FIBIN: variants seen among roughly 807,000 people sequenced by gnomAD.
FIBIN encodes the protein fin bud initiation factor homolog.
FIBIN carries 8 observed loss-of-function variants against 13.0 expected under a neutral mutation model. The observed-to-expected ratio is 0.62, with a 90% CI of 0.36 to 1.11. FIBIN has a LOEUF of 1.11. Ranked by LOEUF, FIBIN falls within the 50% of genes most tolerant of loss-of-function variation. The pLI is 0.02. For missense variants in FIBIN, 261 were observed against 260.2 expected (o/e 1.00, Z -0.02); for synonymous variants, 127 against 114.7 (o/e 1.11, Z -0.69).
rs955453208 is a variant in FIBIN at position 26,995,836 on chromosome 11, C to A, written c.*674C>A. 5 of 167,024 alleles carry A rather than the reference C, an allele frequency of 3.0e-5. No individual in the cohort carries two copies. The highest frequency in any genetic ancestry group is 4.4e-5 in the Non-Finnish European group (3 of 68,140). The allele number at this position is 167,024 out of a possible 1,614,324, so 10.3% of individuals were successfully genotyped here. A position where few individuals can be genotyped will look rare whatever the true frequency, so the allele number is the denominator to read the frequency against. On this transcript the variant is annotated 3_prime_UTR_variant, in exon 1 of 1. Transcript: ENST00000318627. ...AGTGGCCACATTTAAGAAGGCCAAGCTTTGTAGTGGTTGCACAGTCACACT... is the reference window on the plus strand; with the variant it reads ...AGTGGCCACATTTAAGAAGGCCAAGATTTGTAGTGGTTGCACAGTCACACT...
In FIBIN at chr11:26,994,451, T is replaced by C; in HGVS notation, c.-76T>C. ...GACGCTGTCTCAGGGAGACGCTGACTCGCAAAGACACTCCCTTCCTTGTGC... is the reference window on the plus strand; with the variant it reads ...GACGCTGTCTCAGGGAGACGCTGACCCGCAAAGACACTCCCTTCCTTGTGC... On this transcript the variant is annotated 5_prime_UTR_variant, in exon 1 of 1. Transcript: ENST00000318627. The C allele has an allele frequency of 7.1e-7, 1 of 1,408,906 alleles. No homozygotes were observed. Among genetic ancestry groups the C allele is most frequent in the Non-Finnish European group, 9.7e-7 (1 of 1,032,712 alleles). The allele number at this position is 1,408,906 out of a possible 1,614,324, so 87.3% of individuals were successfully genotyped here.
Position 26,996,117 on chromosome 11 carries a change from T to C in FIBIN, c.*955T>C, listed in dbSNP as rs963860955. The C allele has an allele frequency of 1.8e-5, 3 of 166,962 alleles. No individual in the cohort carries two copies. Among genetic ancestry groups the C allele is most frequent in the Non-Finnish European group, 2.9e-5 (2 of 68,128 alleles). 10.3% of individuals were successfully genotyped at this position (166,962 alleles called of 1,614,324 possible). ...TATTCAGGCAATAAACATGTTTTCATGTAATACTGGCTTACTTTGTAATTT... is the reference window on the plus strand; with the variant it reads ...TATTCAGGCAATAAACATGTTTTCACGTAATACTGGCTTACTTTGTAATTT... On this transcript the variant is annotated 3_prime_UTR_variant, in exon 1 of 1. Transcript: ENST00000318627.
chr11:26,994,597 T>G lies in FIBIN; in HGVS notation c.71T>G (p.Leu24Arg), dbSNP rs1298028331. The change falls in exon 1 of 1, where the codon CTC (leucine) becomes CGC (arginine). Residue 24 changes from leucine (L) to arginine (R), a missense_variant. Transcript: ENST00000318627. ...HLCQGYFDGP[L>R]YPEMSNGTLH... is the part of the protein sequence containing the mutation. The stretch of plus-strand genomic sequence containing the variant: ...TGTCAAGGCTACTTCGATGGCCCCC[T>G]CTACCCAGAGATGTCCAATGGGACT... 1 of 1,613,930 alleles carries G rather than the reference T, an allele frequency of 6.2e-7. No individual in the cohort carries two copies. The highest frequency in any genetic ancestry group is 8.5e-7 in the Non-Finnish European group (1 of 1,179,914).
chr11:26,996,317 A>G lies in FIBIN; in HGVS notation c.*1155A>G, dbSNP rs2133348327. 6.6e-6 allele frequency among the ~76,000 whole-genome samples: 1 copy of G among 152,304 alleles called. No individual in the cohort carries two copies. Among genetic ancestry groups the G allele is most frequent in the East Asian group, 1.9e-4 (1 of 5,174 alleles). ...TCCTCACAAGAAAACAAATCTAGCC[A>G]TTGCCCAAACTTTAAATTTGATCTC... On this transcript the variant is annotated 3_prime_UTR_variant, in exon 1 of 1. Coordinates refer to ENST00000318627, the MANE Select transcript of FIBIN (RefSeq NM_203371.2).
rs1331671651 is a variant in FIBIN, at chr11:26,994,414, G to A, written c.-113G>A. 20 of 1,048,518 alleles carry A rather than the reference G, an allele frequency of 1.9e-5. 2 individuals carry two copies. Among genetic ancestry groups the A allele is most frequent in the Admixed American group, 7.2e-5 (3 of 41,734 alleles). 65.0% of individuals were successfully genotyped at this position (1,048,518 alleles called of 1,614,324 possible). ...GGGGCCAGGGAGCAGCAAGCCAGCT[G>A]GGACTGAGGCGGACGCTGTCTCAGG... On this transcript the variant is annotated 5_prime_UTR_variant, in exon 1 of 1. Coordinates refer to ENST00000318627, the MANE Select transcript of FIBIN (RefSeq NM_203371.2).
At position 26,994,994 on chromosome 11, in the gene FIBIN, C is replaced by G; in HGVS notation, c.468C>G (p.Ser156Arg). 6.2e-7 allele frequency: 1 copy of G among 1,614,098 alleles called. No individual in the cohort carries two copies. The change falls in exon 1 of 1, where the codon AGC (serine) becomes AGG (arginine). Residue 156 changes from serine (S) to arginine (R), a missense_variant. Ser to Arg is a moderately radical substitution (Grantham distance 110). Transcript: ENST00000318627. Reference sequence around the variant, plus strand: ...AGGAACAGGACAGCCGGCAGGAGAGCAGGCTCAACGAGGACTTTCTGGGAA... The same window carrying G: ...AGGAACAGGACAGCCGGCAGGAGAGGAGGCTCAACGAGGACTTTCTGGGAA... The part of the protein sequence containing the change: ...QGQEQDSRQE[S>R]RLNEDFLGML...
At position 26,996,842 on chromosome 11, in the gene FIBIN, A is replaced by C. The variant is rs375260016; in HGVS notation, c.*1680A>C. ...TAAATTTAAACACGGGACTTCCCGA[A>C]CTAATTTTTTTAAGGATACTGAAAA... is the stretch of plus-strand genomic sequence containing the variant. On this transcript the variant is annotated 3_prime_UTR_variant, in exon 1 of 1. Transcript: ENST00000318627. Among the ~76,000 whole-genome samples, 22 of 152,268 alleles carry C rather than the reference A, an allele frequency of 1.4e-4. No individual in the cohort carries two copies. The highest frequency in any genetic ancestry group is 5.1e-4 in the African/African-American group (21 of 41,548).
Position 26,996,039 on chromosome 11 carries a change from GT to G in FIBIN, c.*878del, listed in dbSNP as rs1850923875. On this transcript the variant is annotated 3_prime_UTR_variant, in exon 1 of 1. Coordinates refer to ENST00000318627, the MANE Select transcript of FIBIN (RefSeq NM_203371.2). The stretch of plus-strand genomic sequence containing the variant: ...CTGTCTGTCTGTTTATTGGAAACTT[GT>G]ACTTCAAGTAGGGGGAATCCTAATT... The G allele has an allele frequency of 6.0e-6, 1 of 166,586 alleles. No individual in the cohort carries two copies. Among genetic ancestry groups the G allele is most frequent in the Admixed American group, 6.5e-5 (1 of 15,278 alleles). 10.3% of individuals were successfully genotyped at this position (166,586 alleles called of 1,614,324 possible). A position where few individuals can be genotyped will look rare whatever the true frequency, so the allele number is the denominator to read the frequency against.
rs917728784 is a variant in FIBIN at position 26,994,570 on chromosome 11, T to A, written c.44T>A (p.Leu15Gln). 2.6e-5 allele frequency: 42 copies of A among 1,611,452 alleles called. No individual in the cohort carries two copies. Among genetic ancestry groups the A allele is most frequent in the Middle Eastern group, 1.7e-4 (1 of 6,050 alleles). The change falls in exon 1 of 1, where the codon CTG becomes CAG. Residue 15 changes from leucine to glutamine, a missense_variant. By Grantham distance (113) the Leu-to-Gln change is moderately radical. Transcript: ENST00000318627. Reference sequence around the variant, plus strand: ...TTCTGCATGAGTTTCTTCTGCCACCTGTGTCAAGGCTACTTCGATGGCCCC... The same window carrying A: ...TTCTGCATGAGTTTCTTCTGCCACCAGTGTCAAGGCTACTTCGATGGCCCC... ...KFFCMSFFCH[L>Q]CQGYFDGPLY...
In FIBIN at chr11:26,994,532, GT is replaced by G; in HGVS notation, c.9del (p.Leu4Ter). ...GGCCATCCTGAATATCCAGAATGGTGTTTCTGAAGTTCTTCTGCATGAGTTT... is the reference window on the plus strand; with the variant it reads ...GGCCATCCTGAATATCCAGAATGGTGTTCTGAAGTTCTTCTGCATGAGTTT... Reference protein sequence around the residue: MVFLKFFCMSFFC... With the variant: MVXLKFFCMSFFC... On this transcript the variant is annotated frameshift_variant, in exon 1 of 1. Transcript: ENST00000318627. LOFTEE classifies it high-confidence loss of function. The G allele has an allele frequency of 6.2e-7, 1 of 1,602,874 alleles. No homozygotes were observed. Among genetic ancestry groups the G allele is most frequent in the South Asian group, 1.1e-5 (1 of 90,356 alleles).
At position 26,994,169 on chromosome 11, in the gene FIBIN, GCTACACACTCCATCTC is replaced by G. The variant is rs2133346838; in HGVS notation, c.-356_-341del. ...CAGGGGGCAAGAGCCTTTCTCTCCAGCTACACACTCCATCTCCCGGGAGCAAGGGGAAACTCCGAGA... is the reference window on the plus strand; with the variant it reads ...CAGGGGGCAAGAGCCTTTCTCTCCAGCCGGGAGCAAGGGGAAACTCCGAGA... On this transcript the variant is annotated 5_prime_UTR_variant, in exon 1 of 1. Coordinates refer to ENST00000318627, the MANE Select transcript of FIBIN (RefSeq NM_203371.2). The G allele has an allele frequency of 4.3e-6, 1 of 230,224 alleles. No homozygotes were observed. The highest frequency in any genetic ancestry group is 9.0e-5 in the East Asian group (1 of 11,122). 14.3% of individuals were successfully genotyped at this position (230,224 alleles called of 1,614,324 possible). A position where few individuals can be genotyped will look rare whatever the true frequency, so the allele number is the denominator to read the frequency against.
chr11:26,996,911 T>C lies in FIBIN; in HGVS notation c.*1749T>C, dbSNP rs758341264. 2.4e-4 allele frequency among the ~76,000 whole-genome samples: 37 copies of C among 152,200 alleles called. No homozygotes were observed. Among genetic ancestry groups the C allele is most frequent in the Non-Finnish European group, 4.3e-4 (29 of 68,030 alleles). On this transcript the variant is annotated 3_prime_UTR_variant, in exon 1 of 1. Transcript: ENST00000318627. The stretch of plus-strand genomic sequence containing the variant: ...ATGCCTGAAATTTTGCTTAACTTAC[T>C]GTACTTAAAATCAATTATAACTTCT...
rs2133347752 is a variant in FIBIN at position 26,995,317 on chromosome 11, GA to G, written c.*160del. 4.6e-6 allele frequency: 3 copies of G among 654,212 alleles called. No homozygotes were observed. Among genetic ancestry groups the G allele is most frequent in the Non-Finnish European group, 7.2e-6 (3 of 417,994 alleles). 40.5% of individuals were successfully genotyped at this position (654,212 alleles called of 1,614,324 possible). ...ACATCTAAGGTCATCTTTCAAAAGA[GA>G]AAAATTGGACACTTGAGTGACTTTG... On this transcript the variant is annotated 3_prime_UTR_variant, in exon 1 of 1. Transcript: ENST00000318627.
Position 26,995,157 on chromosome 11 carries a change from G to C in FIBIN, c.631G>C (p.Val211Leu). ...LGRLKNDYLKV is the reference protein window; with the variant it reads ...LGRLKNDYLKL ...TCGGCTGAAAAATGATTATCTTAAA[G>C]TATAGGTGGAAGGATACAAATGCTA... is the stretch of plus-strand genomic sequence containing the variant. Residue 211 changes from valine (V) to leucine (L), a missense_variant, in exon 1 of 1, where the codon GTA becomes CTA. Val to Leu is a conservative substitution (Grantham distance 32). Transcript: ENST00000318627. 6.3e-7 allele frequency: 1 copy of C among 1,595,790 alleles called. No individual in the cohort carries two copies. The highest frequency in any genetic ancestry group is 8.5e-7 in the Non-Finnish European group (1 of 1,171,420).
rs1185530664 is a variant in FIBIN, at chr11:26,996,619, A to G, written c.*1457A>G. Among the ~76,000 whole-genome samples the G allele has an allele frequency of 2.6e-5, 4 of 152,152 alleles. No individual in the cohort carries two copies. The East Asian group carries it at 7.7e-4, about 29-fold the overall frequency. On this transcript the variant is annotated 3_prime_UTR_variant, in exon 1 of 1. Transcript: ENST00000318627. ...GTTGCATATATGCACAGATACACACACACACACACACGAAAATAAATAAAT... is the reference window on the plus strand; with the variant it reads ...GTTGCATATATGCACAGATACACACGCACACACACACGAAAATAAATAAAT...
At position 26,994,543 on chromosome 11, in the gene FIBIN, T is replaced by C. The variant is rs182155914; in HGVS notation, c.17T>C (p.Phe6Ser). 5.0e-6 allele frequency: 8 copies of C among 1,605,588 alleles called. No homozygotes were observed. Among genetic ancestry groups the C allele is most frequent in the Non-Finnish European group, 6.8e-6 (8 of 1,174,380 alleles). ...ATATCCAGAATGGTGTTTCTGAAGT[T>C]CTTCTGCATGAGTTTCTTCTGCCAC... MVFLK[F>S]FCMSFFCHLC... The change falls in exon 1 of 1, where the codon TTC becomes TCC. Residue 6 changes from phenylalanine (F) to serine (S), a missense_variant. Physicochemically the swap from Phe to Ser is radical, Grantham distance 155. Transcript: ENST00000318627.
chr11:26,994,181 A>G lies in FIBIN; in HGVS notation c.-346A>G, dbSNP rs1183704417. 4.0e-6 allele frequency: 1 copy of G among 252,046 alleles called. No individual in the cohort carries two copies. The highest frequency in any genetic ancestry group is 7.5e-6 in the Non-Finnish European group (1 of 132,710). 15.6% of individuals were successfully genotyped at this position (252,046 alleles called of 1,614,324 possible). ...GCCTTTCTCTCCAGCTACACACTCC[A>G]TCTCCCGGGAGCAAGGGGAAACTCC... On this transcript the variant is annotated 5_prime_UTR_variant, in exon 1 of 1. Coordinates refer to ENST00000318627, the MANE Select transcript of FIBIN (RefSeq NM_203371.2).
chr11:26,994,787 G>A lies in FIBIN; in HGVS notation c.261G>A (p.Leu87=). 1 of 1,610,188 alleles carries A rather than the reference G, an allele frequency of 6.2e-7. No individual in the cohort carries two copies. The highest frequency in any genetic ancestry group is 8.5e-7 in the Non-Finnish European group (1 of 1,177,504). ...CCCTGCGGGAGGAGTTCACCGTGCT[G>A]GGCCGCCAGGTGGAGGATGCTGGGC... is the stretch of plus-strand genomic sequence containing the variant. ...SLTLREEFTV[L]GRQVEDAGRV... is the part of the protein sequence containing the mutation. Residue 87 remains leucine, a synonymous_variant, in exon 1 of 1, where the codon CTG becomes CTA. Transcript: ENST00000318627.
At position 26,997,072 on chromosome 11, in the gene FIBIN, A is replaced by G. The variant is rs1186686672; in HGVS notation, c.*1910A>G. Among the ~76,000 whole-genome samples the G allele has an allele frequency of 2.0e-5, 3 of 152,190 alleles. No homozygotes were observed. Among genetic ancestry groups the G allele is most frequent in the African/African-American group, 7.2e-5 (3 of 41,460 alleles). The stretch of plus-strand genomic sequence containing the variant: ...AATAACAACAGTGGCAAATAAAATC[A>G]TATTTGGTACTAAAATGTTTGTAGT... On this transcript the variant is annotated 3_prime_UTR_variant, in exon 1 of 1. Transcript: ENST00000318627.
Sources: gnomAD v4.1 joint callset for allele counts (sites outside exome capture counted in the v4.1 genomes callset) on GRCh38, gnomAD v4.1.1 for gene constraint, MANE v1.5 for transcripts, NCBI Gene and HGNC (gene_info 2026-07-23, HGNC 2026-07-21) for gene names.